Variants in MRRF observed in about 807,000 individuals in gnomAD.
MRRF encodes ribosome-recycling factor, mitochondrial.
MRRF carries 18 observed loss-of-function variants against 25.1 expected under a neutral mutation model. The observed-to-expected ratio is 0.72, with a 90% CI of 0.50 to 1.06. The LOEUF is 1.06. MRRF is among the 50% of genes least tolerant of loss of function. The pLI, the probability that MRRF is intolerant of heterozygous loss-of-function variation, is 0.00. For synonymous variants in MRRF, 113 were observed against 112.1 expected, an observed-to-expected ratio of 1.01 and a Z score of -0.05; for missense variants, 323 against 319.3, an observed-to-expected ratio of 1.01 and a Z score of -0.09.
At chr9:122,322,060 TAAAAAG>T (rs1835922426) in intron 6 of MRRF, among the ~76,000 whole-genome samples, 1 of 152,064 alleles carries the variant, frequency 6.6e-6, no homozygotes, top group South Asian at 2.1e-4. Context: ...TGTTAGGAGT[TAAAAAG>T]AATGTATATA....
intron 2 of MRRF, among the ~76,000 whole-genome samples, chr9:122,274,669 T>G (rs928033567): frequency 3.2e-4 from 49 of 152,040 alleles, no homozygotes; most frequent in African/African-American, 1.2e-3. Flanking sequence ...TTTTAGGAAA[T>G]TTTTCATTTT....
intron 5 of MRRF, among the ~76,000 whole-genome samples, chr9:122,292,733 C>T (rs765159572): frequency 3.3e-5 from 5 of 152,104 alleles, no homozygotes; most frequent in Non-Finnish European, 5.9e-5. Context: ...GAGGGTCTCT[C>T]TGACTGCTGG....
At chr9:122,279,084 G>C (rs1476290215) in intron 2 of MRRF, among the ~76,000 whole-genome samples, 5 of 152,030 alleles carry the variant, frequency 3.3e-5, no homozygotes, top group Admixed American at 3.3e-4. Context: ...TTTTGGTCAG[G>C]CTGATCTTGA....
intron 5 of MRRF, among the ~76,000 whole-genome samples, chr9:122,299,637 C>CT (rs1227681645): frequency 6.6e-6 from 1 of 152,006 alleles, no homozygotes; most frequent in East Asian, 1.9e-4. Context: ...GGGACTAAGC[C>CT]TTGGACACTT....
intron 2 of MRRF, among the ~76,000 whole-genome samples, chr9:122,278,485 C>T (rs1189540787): frequency 6.6e-6 from 1 of 151,764 alleles, no homozygotes; most frequent in Non-Finnish European, 1.5e-5. Flanking sequence ...TTGTACTGTA[C>T]AGTTTTGTTT....
intron 6 of MRRF, among the ~76,000 whole-genome samples, chr9:122,320,006 C>G (rs1446873791): frequency 6.6e-6 from 1 of 151,486 alleles, no homozygotes; most frequent in African/African-American, 2.4e-5. Context: ...TCCTGAGTAG[C>G]CGGGACTACA....
chr9:122,326,405 C>T lies in MRRF; in HGVS notation c.*3788C>T, dbSNP rs2119043335. 6.6e-6 allele frequency: 1 copy of T among 152,216 alleles called. No individual in the cohort carries two copies. The allele number at this position is 152,216 out of a possible 1,614,324, so 9.4% of individuals were successfully genotyped here. A position where few individuals can be genotyped will look rare whatever the true frequency, so the allele number is the denominator to read the frequency against. On this transcript the variant is annotated 3_prime_UTR_variant, in exon 7 of 7. Transcript: ENST00000344641. ...GGATTACAGGCATGAACCACTGCGC[C>T]CGGCCATATAATTTTTTAGAAGGAG...
intron 5 of MRRF, among the ~76,000 whole-genome samples, chr9:122,299,816 A>G (rs1385217358): frequency 6.6e-6 from 1 of 152,008 alleles, no homozygotes; most frequent in Non-Finnish European, 1.5e-5. Flanking sequence ...AAGATCTGAG[A>G]TTATTGGACT....
intron 6 of MRRF, among the ~76,000 whole-genome samples, chr9:122,315,780 C>A: frequency 6.6e-6 from 1 of 152,032 alleles, no homozygotes; most frequent in Non-Finnish European, 1.5e-5. Context: ...TCAGGGCCTG[C>A]CAGGCACTAG....
intron 5 of MRRF, among the ~76,000 whole-genome samples, chr9:122,296,153 C>G (rs1232741253): frequency 6.6e-6 from 1 of 151,782 alleles, no homozygotes; most frequent in South Asian, 2.1e-4. Context: ...TTTTTTTTAT[C>G]GTGGCTGTCT....
At chr9:122,311,663 TGAAAA>T (rs922907204) in intron 5 of MRRF, among the ~76,000 whole-genome samples, 13 of 152,244 alleles carry the variant, frequency 8.5e-5, no homozygotes, top group African/African-American at 2.9e-4. Context: ...AACATTGTAG[TGAAAA>T]GAAAAGTTGA....
chr9:122,283,322 T>C (rs1340308335), intron 3 of MRRF, among the ~76,000 whole-genome samples: 1 of 152,102 alleles, frequency 6.6e-6, no homozygotes, highest in Non-Finnish European at 1.5e-5. Context: ...CTCAAACTCC[T>C]GACCTCGTGA....
intron 6 of MRRF, among the ~76,000 whole-genome samples, chr9:122,314,041 A>C (rs1012151731): frequency 6.6e-6 from 1 of 152,210 alleles, no homozygotes; most frequent in Non-Finnish European, 1.5e-5. Context: ...CACCAGGTTT[A>C]GGAGTTTGAA....
Position 122,326,820 on chromosome 9 carries a change from G to A in MRRF, c.*4203G>A, listed in dbSNP as rs1191992828. The A allele has an allele frequency of 1.3e-5, 2 of 152,078 alleles. No homozygotes were observed. Among genetic ancestry groups the A allele is most frequent in the Non-Finnish European group, 2.9e-5 (2 of 68,012 alleles). 9.4% of individuals were successfully genotyped at this position (152,078 alleles called of 1,614,324 possible). On this transcript the variant is annotated 3_prime_UTR_variant, in exon 7 of 7. Transcript: ENST00000344641. ...CTTCTGATGAATCCTTGTTAATGTA[G>A]GTGTTATGATTATCTGTGTTTTTCT...
chr9:122,309,657 A>C (rs1312766488), intron 5 of MRRF, among the ~76,000 whole-genome samples: 1 of 152,174 alleles, frequency 6.6e-6, no homozygotes, highest in Non-Finnish European at 1.5e-5. Context: ...TTTATTCATT[A>C]ATTTGCATGT....
At chr9:122,279,567 C>T (rs531377559) in intron 2 of MRRF, among the ~76,000 whole-genome samples, 1 of 152,166 alleles carries the variant, frequency 6.6e-6, no homozygotes, top group African/African-American at 2.4e-5. Context: ...TGTTTTTCTC[C>T]TTCCCCATTC....
intron 4 of MRRF, among the ~76,000 whole-genome samples, chr9:122,289,289 T>C (rs1833604081): frequency 6.6e-6 from 1 of 152,192 alleles, no homozygotes; most frequent in African/African-American, 2.4e-5. Context: ...ATCACTAATA[T>C]ATTCAATCAA....
chr9:122,296,642 C>T (rs1460237076), intron 5 of MRRF, among the ~76,000 whole-genome samples: 8 of 152,190 alleles, frequency 5.3e-5, no homozygotes, highest in Non-Finnish European at 1.0e-4. Flanking sequence ...GAATATCAGT[C>T]TTTTCACTCC....
Position 122,265,292 on chromosome 9 carries a change from C to CG in MRRF, c.-29+355dup, listed in dbSNP as rs1279278321. ...CACATAGGTAATTTTACCAGGGTCACGCGGTCAGAAAGTGAGGGCGCTTAA... is the reference window on the plus strand; with the variant it reads ...CACATAGGTAATTTTACCAGGGTCACGGCGGTCAGAAAGTGAGGGCGCTTAA... On this transcript the variant is annotated intron_variant, in intron 1 of 6. Transcript: ENST00000344641. Among the ~76,000 whole-genome samples, 5 of 152,282 alleles carry CG rather than the reference C, an allele frequency of 3.3e-5. No individual in the cohort carries two copies. The East Asian group carries it at 9.7e-4, about 29-fold the overall frequency.
Sources: gnomAD v4.1 joint callset for allele counts (sites outside exome capture counted in the v4.1 genomes callset) on GRCh38, gnomAD v4.1.1 for gene constraint, MANE v1.5 for transcripts, NCBI Gene and HGNC (gene_info 2026-07-23, HGNC 2026-07-21) for gene names.